Variants in NPRL3 observed in about 807,000 individuals in gnomAD.
NPRL3 encodes the protein NPR3 like, GATOR1 complex subunit.
In NPRL3, 23 loss-of-function variants were observed where a neutral mutation model predicts 57.2. That is an observed-to-expected ratio of 0.40 (90% confidence interval 0.29 to 0.57). The LOEUF (loss-of-function observed/expected upper bound fraction) is 0.57, where lower values mean the gene tolerates loss of function less well. Among genes scored for constraint, NPRL3 ranks in the 20% least tolerant of loss-of-function variants. NPRL3 has a pLI of 0.42. For synonymous variants in NPRL3, 333 were observed against 321.1 expected, an observed-to-expected ratio of 1.04 and a Z score of -0.39; for missense variants, 691 against 767.1, an observed-to-expected ratio of 0.90 and a Z score of 1.17.
intron 2 of NPRL3, among the ~76,000 whole-genome samples, chr16:132,696 G>A (rs1317665681): frequency 2.1e-5 from 3 of 145,990 alleles, no homozygotes; most frequent in Non-Finnish European, 4.5e-5. Flanking sequence ...TTGAGACGGA[G>A]TCTCGCTCTG....
chr16:121,246 C>T (rs1900265907), intron 3 of NPRL3, among the ~76,000 whole-genome samples: 1 of 152,226 alleles, frequency 6.6e-6, no homozygotes, highest in South Asian at 2.1e-4. Context: ...GGCGCCCTCA[C>T]AACAGCCAAA....
intron 4 of NPRL3, 97 bp from the exon 5 acceptor site, chr16:117,472 A>C: frequency 2.5e-6 from 2 of 802,408 alleles, no homozygotes; most frequent in Non-Finnish European, 4.1e-6. Context: ...TCCCCAGAAT[A>C]CAGCACCAAG....
At chr16:111,228 G>A (rs913722738) in intron 6 of NPRL3, among the ~76,000 whole-genome samples, 2 of 151,606 alleles carry the variant, frequency 1.3e-5, no homozygotes, top group East Asian at 2.0e-4. Flanking sequence ...TGAAAACCCC[G>A]TCCCTACTAA....
In NPRL3 at chr16:85,453, G is replaced by A. The variant is rs1472739687; in HGVS notation, c.*1252C>T. 2.5e-6 allele frequency: 4 copies of A among 1,612,836 alleles called. No homozygotes were observed. Among genetic ancestry groups the A allele is most frequent in the Admixed American group, 3.3e-5 (2 of 60,002 alleles). The stretch of plus-strand genomic sequence containing the variant: ...CACTGGAGCCCCTGGAAGGTCTGGA[G>A]ACCATGCGTCAGCTTCGCAGCACCC... On this transcript the variant is annotated 3_prime_UTR_variant, in exon 14 of 14. Coordinates refer to ENST00000611875, the MANE Select transcript of NPRL3 (RefSeq NM_001077350.3).
intron 3 of NPRL3, among the ~76,000 whole-genome samples, chr16:120,540 G>A (rs1900238434): frequency 6.6e-6 from 1 of 152,128 alleles, no homozygotes; most frequent in Admixed American, 6.6e-5. Context: ...CTGTTTTCCA[G>A]CCTTCCTCCT....
At chr16:110,394 G>A (rs1266205448) in intron 7 of NPRL3, 131 bp downstream of exon 7, 8 of 627,204 alleles carry the variant, frequency 1.3e-5, no homozygotes, top group African/African-American at 1.1e-4. Flanking sequence ...CTAACCTCAG[G>A]GAACCCTGAT....
At chr16:98,413 G>A in intron 8 of NPRL3, 112 bp from the exon 9 acceptor site, 2 of 1,199,438 alleles carry the variant, frequency 1.7e-6, no homozygotes, top group South Asian at 1.5e-5. Context: ...CCTGCACCAG[G>A]TATGCACCGG....
At chr16:99,569 G>GGA (rs1383454144) in intron 8 of NPRL3, among the ~76,000 whole-genome samples, 1 of 151,192 alleles carries the variant, frequency 6.6e-6, no homozygotes, top group Non-Finnish European at 1.5e-5. Flanking sequence ...CTTGAACCCG[G>GGA]GAGACAGAGG....
At chr16:101,270 G>T (rs1437897553) in intron 7 of NPRL3, among the ~76,000 whole-genome samples, 4 of 152,150 alleles carry the variant, frequency 2.6e-5, no homozygotes, top group Admixed American at 6.5e-5. Flanking sequence ...AGGGCGAGGA[G>T]GGCAGGGAAG....
intron 3 of NPRL3, among the ~76,000 whole-genome samples, chr16:127,989 T>C (rs1348302561): frequency 8.7e-6 from 1 of 115,590 alleles, no homozygotes; most frequent in Admixed American, 9.6e-5. Flanking sequence ...AATTTCCATC[T>C]TCTTCTTTTT....
intron 2 of NPRL3, 30 bp downstream of exon 2, chr16:138,120 G>T: frequency 1.3e-6 from 2 of 1,539,876 alleles, no homozygotes; most frequent in Non-Finnish European, 1.8e-6. Context: ...GCCCCCGCGA[G>T]CGCCAGGCCC....
At chr16:120,656 A>G (rs1298310995) in intron 3 of NPRL3, among the ~76,000 whole-genome samples, 1 of 152,128 alleles carries the variant, frequency 6.6e-6, no homozygotes, top group Non-Finnish European at 1.5e-5. Flanking sequence ...ATAGCCTCTC[A>G]ACCCAGTCAG....
At chr16:128,363 T>C (rs937222592) in intron 3 of NPRL3, among the ~76,000 whole-genome samples, 1 of 152,230 alleles carries the variant, frequency 6.6e-6, no homozygotes, top group Non-Finnish European at 1.5e-5. Context: ...GTCCTCACTT[T>C]TCTAAGGCAG....
intron 6 of NPRL3, among the ~76,000 whole-genome samples, chr16:112,104 T>C (rs1899839986): frequency 2.0e-5 from 3 of 152,228 alleles, no homozygotes; most frequent in Non-Finnish European, 4.4e-5. Flanking sequence ...CAGCTGGATA[T>C]TTCCAACGCC....
chr16:86,719 C>A lies in NPRL3; in HGVS notation c.1696G>T (p.Ala566Ser). Reference protein sequence around the residue: ...HEDPVIAVFQALLP With the variant: ...HEDPVIAVFQSLLP Reference sequence around the variant, plus strand: ...TCCGCCTGGGCTCAGGGGAGCAGAGCCTGGAAGACGGCAATGACAGGGTCC... The same window carrying A: ...TCCGCCTGGGCTCAGGGGAGCAGAGACTGGAAGACGGCAATGACAGGGTCC... Residue 566 changes from alanine (A) to serine (S), a missense_variant, in exon 14 of 14, where the codon GCT (alanine) becomes TCT (serine). Transcript: ENST00000611875. The A allele has an allele frequency of 6.4e-7, 1 of 1,559,130 alleles. No individual in the cohort carries two copies.
intron 2 of NPRL3, among the ~76,000 whole-genome samples, chr16:131,570 C>T (rs1458557616): frequency 7.9e-6 from 1 of 126,936 alleles, no homozygotes; most frequent in African/African-American, 2.9e-5. Context: ...TGCACTTGAG[C>T]CTGGGTGACA....
intron 10 of NPRL3, 156 bp from the exon 11 acceptor site, chr16:92,881 G>T: frequency 1.1e-6 from 1 of 894,422 alleles, no homozygotes; most frequent in Non-Finnish European, 1.7e-6. Flanking sequence ...CCTCCAGGTG[G>T]ACAGAGCCTG....
chr16:96,314 C>T (rs1899003571), intron 9 of NPRL3, among the ~76,000 whole-genome samples: 2 of 152,202 alleles, frequency 1.3e-5, no homozygotes, highest in Admixed American at 1.3e-4. Context: ...AGGCCCAGCT[C>T]CTTTCAAAAG....
intron 9 of NPRL3, among the ~76,000 whole-genome samples, chr16:96,182 A>G (rs1898997149): frequency 6.6e-6 from 1 of 152,188 alleles, no homozygotes; most frequent in Non-Finnish European, 1.5e-5. Context: ...CACTGTCCAC[A>G]CAAACTCCTG....
Sources: gnomAD v4.1 joint callset for allele counts (sites outside exome capture counted in the v4.1 genomes callset) on GRCh38, gnomAD v4.1.1 for gene constraint, MANE v1.5 for transcripts, NCBI Gene and HGNC (gene_info 2026-07-23, HGNC 2026-07-21) for gene names.